CHD5: variants seen among roughly 807,000 people sequenced by gnomAD.
CHD5 encodes the protein ATP-dependent chromatin remodeler CHD5.
In CHD5, 69 loss-of-function variants were observed where a neutral mutation model predicts 230.3. That is an observed-to-expected ratio of 0.30 (90% CI 0.25 to 0.37). The LOEUF (loss-of-function observed/expected upper bound fraction) is 0.37, where lower values mean the gene tolerates loss of function less well. Ranked by LOEUF, CHD5 falls within the 10% of genes least tolerant of loss-of-function variation. CHD5 has a pLI of 1.00. For synonymous variants in CHD5, 1,064 were observed against 1,065.9 expected (o/e 1.00, Z 0.03); for missense variants, 1,827 against 2,622.8 (o/e 0.70, Z 6.63).
intron 1 of CHD5, among the ~76,000 whole-genome samples, chr1:6,169,250 A>G (rs937866831): frequency 1.3e-5 from 2 of 152,212 alleles, no homozygotes; most frequent in Admixed American, 1.3e-4. Flanking sequence ...CCCACCTCCA[A>G]CACACTCACA....
At chr1:6,147,993 G>GC (rs1557553278) in intron 9 of CHD5, among the ~76,000 whole-genome samples, 2 of 151,862 alleles carry the variant, frequency 1.3e-5, no homozygotes, top group East Asian at 3.9e-4. Flanking sequence ...CCCCACTCCT[G>GC]CCCCCCTCCC....
In CHD5 at chr1:6,125,771, C is replaced by A. The variant is rs1180858757; in HGVS notation, c.4166G>T (p.Gly1389Val). The change falls in exon 27 of 42, where the codon GGG becomes GTG. Residue 1389 changes from glycine to valine, a missense_variant. By Grantham distance (109) the Gly-to-Val change is moderately radical (BLOSUM62 -3). Transcript: ENST00000262450. The surrounding 1 kb of genome is among the most constrained non-coding windows in gnomAD (Gnocchi z 6.7). ...EDEDFEERPEGQSGRRQSRRQ... is the reference protein window; with the variant it reads ...EDEDFEERPEVQSGRRQSRRQ... ...CCACTAACACTGAGACTCACTCTGC[C>A]CTTCCGGCCTCTCTTCAAAGTCCTC... is the stretch of plus-strand genomic sequence containing the variant. The A allele has an allele frequency of 6.2e-7, 1 of 1,612,974 alleles. No homozygotes were observed. Among genetic ancestry groups the A allele is most frequent in the East Asian group, 2.2e-5 (1 of 44,870 alleles).
intron 2 of CHD5, among the ~76,000 whole-genome samples, chr1:6,164,078 A>G (rs1324480847): frequency 6.6e-6 from 1 of 152,222 alleles, no homozygotes; most frequent in African/African-American, 2.4e-5. Context: ...ATGTGGTCGC[A>G]GCCCTGGGGA....
Position 6,125,376 on chromosome 1 carries a change from G to T in CHD5, c.4261-143C>A. 8.3e-7 allele frequency: 1 copy of T among 1,205,414 alleles called. No homozygotes were observed. 74.7% of individuals were successfully genotyped at this position (1,205,414 alleles called of 1,614,324 possible). On this transcript the variant is annotated intron_variant, in intron 28 of 41. Transcript: ENST00000262450. The surrounding 1 kb of genome is among the most constrained non-coding windows in gnomAD (Gnocchi z 6.7). ...AGGCAGGGGCCTCCACCTGGGGCAG[G>T]ACCCTGACGGCGAAGACCAGACCAA...
intron 1 of CHD5, among the ~76,000 whole-genome samples, chr1:6,172,259 T>C (rs1667350191): frequency 6.6e-6 from 1 of 152,236 alleles, no homozygotes; most frequent in Non-Finnish European, 1.5e-5. Context: ...CCAAAGTACC[T>C]AGGACTGATT....
chr1:6,147,649 A>T (rs1270435905), intron 9 of CHD5, among the ~76,000 whole-genome samples: 2 of 152,188 alleles, frequency 1.3e-5, no homozygotes, highest in African/African-American at 2.4e-5. Context: ...AGCAGGTCCC[A>T]GCTTTGCTAC....
chr1:6,158,393 C>T (rs960683596), intron 3 of CHD5, among the ~76,000 whole-genome samples: 6 of 152,224 alleles, frequency 3.9e-5, no homozygotes, highest in Non-Finnish European at 5.9e-5. Flanking sequence ...CAAAGCTGTC[C>T]AGCACTTCTT....
At chr1:6,115,672 C>T (rs1441133502) in intron 33 of CHD5, among the ~76,000 whole-genome samples, 4 of 152,206 alleles carry the variant, frequency 2.6e-5, no homozygotes, top group Non-Finnish European at 5.9e-5. Flanking sequence ...CCTCAAGGAA[C>T]TGAATTCTGC....
intron 7 of CHD5, among the ~76,000 whole-genome samples, chr1:6,150,431 AGGATGGATGGAT>A (rs74209532): frequency 2.7e-3 from 357 of 132,042 alleles, no homozygotes; most frequent in South Asian, 4.4e-3. Context: ...GATGGATGAT[AGGATGGATGGAT>A]GGATGGATGG....
rs1387143255 is a variant in CHD5, at chr1:6,135,292, C to T, written c.2808G>A (p.Val936=). 16 of 1,614,184 alleles carry T rather than the reference C, an allele frequency of 9.9e-6. No homozygotes were observed. Among genetic ancestry groups the T allele is most frequent in the Non-Finnish European group, 1.4e-5 (16 of 1,180,048 alleles). The change falls in exon 18 of 42, where the codon GTG becomes GTA. Residue 936 remains valine, a synonymous_variant. Transcript: ENST00000262450. The part of the protein sequence containing the change: ...PHMLRRLKAD[V]FKNMPAKTEL... ...CGGTCTTGGCCGGCATGTTCTTGAA[C>T]ACGTCAGCCTTGAGCCGCCTGAGCA... is the stretch of plus-strand genomic sequence containing the variant.
intron 1 of CHD5, among the ~76,000 whole-genome samples, chr1:6,173,741 G>A (rs568381446): frequency 2.0e-5 from 3 of 152,160 alleles, no homozygotes; most frequent in South Asian, 2.1e-4. Flanking sequence ...AGAGGGCAGC[G>A]GTCTCTAGTT....
At chr1:6,160,292 G>A (rs12759432) in intron 2 of CHD5, among the ~76,000 whole-genome samples, 80 of 96,324 alleles carry the variant, frequency 8.3e-4, no homozygotes, top group East Asian at 2.3e-3. Flanking sequence ...CAGAGAAGAA[G>A]AACCCCAGCC....
chr1:6,154,846 C>T lies in CHD5; in HGVS notation c.559G>A (p.Val187Ile), dbSNP rs866020323. Residue 187 changes from valine (V) to isoleucine (I), a missense_variant, in exon 5 of 42, where the codon GTC (valine) becomes ATC (isoleucine). By Grantham distance (29) the Val-to-Ile change is conservative (BLOSUM62 3). This residue lies in a region of CHD5 where 657 missense variants were observed against 816.4 expected (regional missense o/e 0.80). Transcript: ENST00000262450. This position sits in a 1 kb window ranked among gnomAD's most constrained non-coding sequence, Gnocchi z 7.0. Reference sequence around the variant, plus strand: ...AACTCCCGCCACTTGGCACCCAGGACGGTCATCATTTTGGACATGGGGATC... The same window carrying T: ...AACTCCCGCCACTTGGCACCCAGGATGGTCATCATTTTGGACATGGGGATC... ...PKIPMSKMMT[V>I]LGAKWREFSA... The T allele has an allele frequency of 4.2e-5, 68 of 1,613,914 alleles. No individual in the cohort carries two copies. Among genetic ancestry groups the T allele is most frequent in the African/African-American group, 5.3e-5 (4 of 74,926 alleles).
At chr1:6,149,531 G>A in intron 7 of CHD5, 119 bp from the exon 8 acceptor site, 1 of 956,672 alleles carries the variant, frequency 1.0e-6, no homozygotes, top group Non-Finnish European at 1.5e-6. Flanking sequence ...TGGATGGAAA[G>A]GTGGGTGGGT....
chr1:6,171,680 G>A (rs561042596), intron 1 of CHD5, among the ~76,000 whole-genome samples: 70 of 152,326 alleles, frequency 4.6e-4, no homozygotes, highest in Admixed American at 4.3e-3. Context: ...GTGCCCTTGA[G>A]CCCACCAGTC....
Position 6,104,112 on chromosome 1 carries a change from TCA to T in CHD5, c.*1360_*1361del, listed in dbSNP as rs1484666013. 4.0e-5 allele frequency: 6 copies of T among 151,850 alleles called. No homozygotes were observed. The highest frequency in any genetic ancestry group is 8.8e-5 in the Non-Finnish European group (6 of 67,964). The allele number at this position is 151,850 out of a possible 1,614,324, so 9.4% of individuals were successfully genotyped here. ...GGTCGACCTGGGGCCAGGAGAAGGA[TCA>T]CACACAAACAGGCCTAGGGAGGGCC... On this transcript the variant is annotated 3_prime_UTR_variant, in exon 42 of 42. Transcript: ENST00000262450.
Position 6,134,376 on chromosome 1 carries a change from C to T in CHD5, c.3013-117G>A. The stretch of plus-strand genomic sequence containing the variant: ...AGCAATGGGGTGATGGCCTGTCTGC[C>T]CACTGAACATGAGACCCACACCCGA... On this transcript the variant is annotated intron_variant, in intron 19 of 41. Coordinates refer to ENST00000262450, the MANE Select transcript of CHD5 (RefSeq NM_015557.3). This position sits in a 1 kb window ranked among gnomAD's most constrained non-coding sequence, Gnocchi z 6.3. The T allele has an allele frequency of 1.6e-6, 2 of 1,274,982 alleles. No homozygotes were observed. Among genetic ancestry groups the T allele is most frequent in the South Asian group, 1.3e-5 (1 of 74,492 alleles). 79.0% of individuals were successfully genotyped at this position (1,274,982 alleles called of 1,614,324 possible).
intron 41 of CHD5, 36 bp downstream of exon 41, chr1:6,106,198 G>A (rs758603921): frequency 6.3e-7 from 1 of 1,583,740 alleles, no homozygotes; most frequent in Non-Finnish European, 8.7e-7. Flanking sequence ...CAGCAATGGG[G>A]TGGCGGGGAG....
rs924534638 is a variant in CHD5 at position 6,102,406 on chromosome 1, G to A, written c.*3068C>T. ...CTTGCACAGAAGAGACTTGGGGGAG[G>A]GGCCGAGGCCAGGTCACCAAGACGG... On this transcript the variant is annotated 3_prime_UTR_variant, in exon 42 of 42. Coordinates refer to ENST00000262450, the MANE Select transcript of CHD5 (RefSeq NM_015557.3). The A allele has an allele frequency of 6.5e-6, 1 of 153,948 alleles. No individual in the cohort carries two copies. The allele number at this position is 153,948 out of a possible 1,614,324, so 9.5% of individuals were successfully genotyped here.
Sources: gnomAD v4.1 joint callset for allele counts (sites outside exome capture counted in the v4.1 genomes callset) on GRCh38, gnomAD v4.1.1 for gene constraint, gnomAD v4.1.1 regional missense constraint, Gnocchi (gnomAD v3.1) non-coding constraint, MANE v1.5 for transcripts, NCBI Gene and HGNC (gene_info 2026-07-23, HGNC 2026-07-21) for gene names.